PITPNM3: variants seen among roughly 807,000 people sequenced by gnomAD.
PITPNM3 encodes the protein membrane-associated phosphatidylinositol transfer protein 3.
A neutral mutation model predicts 102.0 loss-of-function variants in PITPNM3; 26 were observed. The ratio of observed to expected loss-of-function variants is 0.25; its 90% CI spans 0.19 to 0.35. The LOEUF is 0.35. Among genes scored for constraint, PITPNM3 ranks in the 10% least tolerant of loss-of-function variants. The pLI is 1.00. For missense variants in PITPNM3, 1,083 were observed against 1,346.1 expected (o/e 0.80, Z 3.06); for synonymous variants, 578 against 558.6 (o/e 1.03, Z -0.49).
intron 17 of PITPNM3, among the ~76,000 whole-genome samples, chr17:6,463,424 A>AGGCAGGGAGGGAAGGAGGGG (rs1433499928): frequency 2.9e-5 from 4 of 138,598 alleles, no homozygotes; most frequent in African/African-American, 8.4e-5. Context: ...GCAGGGAGGG[A>AGGCAGGGAGGGAAGGAGGGG]GGCAGGGAGG....
In PITPNM3 at chr17:6,455,564, C is replaced by A; in HGVS notation, c.2699G>T (p.Arg900Leu). ...GAAGCTGCCCTTGCGCAGGATCATG[C>A]GCGAGTTGTTCTTCTTTGGGCGTGA... ...HRSRPKKNNS[R>L]MILRKGSFGL... Residue 900 changes from arginine (R) to leucine (L), a missense_variant, in exon 20 of 20, where the codon CGC becomes CTC. Physicochemically the swap from Arg to Leu is moderately radical, Grantham distance 102. Transcript: ENST00000262483. The A allele has an allele frequency of 6.2e-7, 1 of 1,601,826 alleles. No individual in the cohort carries two copies. Among genetic ancestry groups the A allele is most frequent in the Non-Finnish European group, 8.5e-7 (1 of 1,179,270 alleles).
chr17:6,501,385 A>G (rs1053330822), intron 4 of PITPNM3, among the ~76,000 whole-genome samples: 2 of 152,148 alleles, frequency 1.3e-5, no homozygotes, highest in Admixed American at 1.3e-4. Context: ...ACTCCCTTTG[A>G]GGGCACCTTT....
At position 6,483,605 on chromosome 17, in the gene PITPNM3, C is replaced by T; in HGVS notation, c.499G>A (p.Ala167Thr). The change falls in exon 6 of 20, where the codon GCC (alanine) becomes ACC (threonine). Residue 167 changes from alanine (A) to threonine (T), a missense_variant. Around this residue, in one of 5 missense-constraint regions of PITPNM3, gnomAD observed 290 missense variants for 337.8 expected, o/e 0.86. Transcript: ENST00000262483. ...FSSVLEKVTR[A>T]HFPAALGHIL... Reference sequence around the variant, plus strand: ...TGGCCCAGGGCAGCAGGGAAATGGGCTCGTGTGACCTTCTCCAGCACGGAG... The same window carrying T: ...TGGCCCAGGGCAGCAGGGAAATGGGTTCGTGTGACCTTCTCCAGCACGGAG... 1.2e-6 allele frequency: 2 copies of T among 1,614,066 alleles called. No individual in the cohort carries two copies. The highest frequency in any genetic ancestry group is 1.3e-5 in the African/African-American group (1 of 75,002).
intron 3 of PITPNM3, among the ~76,000 whole-genome samples, chr17:6,508,538 C>T (rs1907678991): frequency 6.6e-6 from 1 of 152,062 alleles, no homozygotes; most frequent in Non-Finnish European, 1.5e-5. Flanking sequence ...GGTAGTGCTT[C>T]CTGGAGGAGG....
rs374357061 is a variant in PITPNM3 at position 6,457,581 on chromosome 17, C to T, written c.2619+13G>A. On this transcript the variant is annotated intron_variant, in intron 19 of 19. Coordinates refer to ENST00000262483, the MANE Select transcript of PITPNM3 (RefSeq NM_031220.4). The surrounding 1 kb of genome is among the most constrained non-coding windows in gnomAD (Gnocchi z 4.7). ...CCTCACAACTCCCCGCCTCCAGCCCCGCCTCCACCCACCTGGCACTGGGTT... is the reference window on the plus strand; with the variant it reads ...CCTCACAACTCCCCGCCTCCAGCCCTGCCTCCACCCACCTGGCACTGGGTT... 1.2e-4 allele frequency: 195 copies of T among 1,613,646 alleles called. No individual in the cohort carries two copies. Among genetic ancestry groups the T allele is most frequent in the Middle Eastern group, 3.3e-4 (2 of 6,062 alleles).
At chr17:6,547,930 G>A (rs1029964632) in intron 1 of PITPNM3, among the ~76,000 whole-genome samples, 4 of 151,942 alleles carry the variant, frequency 2.6e-5, no homozygotes, top group East Asian at 1.9e-4. Context: ...GTTTCTCCAT[G>A]TTGGTCAGGC....
Position 6,470,136 on chromosome 17 carries a change from A to G in PITPNM3, c.1773+124T>C. The G allele has an allele frequency of 8.7e-7, 1 of 1,155,584 alleles. No individual in the cohort carries two copies. Among genetic ancestry groups the G allele is most frequent in the Non-Finnish European group, 1.2e-6 (1 of 803,022 alleles). The allele number at this position is 1,155,584 out of a possible 1,614,324, so 71.6% of individuals were successfully genotyped here. Reference sequence around the variant, plus strand: ...ACGTAGGTGCTCCAATGCCTTCCTCATGCTCTTAGGATCAAGGCCAAAAGC... The same window carrying G: ...ACGTAGGTGCTCCAATGCCTTCCTCGTGCTCTTAGGATCAAGGCCAAAAGC... On this transcript the variant is annotated intron_variant, in intron 13 of 19. Coordinates refer to ENST00000262483, the MANE Select transcript of PITPNM3 (RefSeq NM_031220.4). This position sits in a 1 kb window ranked among gnomAD's most constrained non-coding sequence, Gnocchi z 4.8.
Position 6,469,161 on chromosome 17 carries a change from C to T in PITPNM3, c.1774-820G>A, listed in dbSNP as rs1436213231. On this transcript the variant is annotated intron_variant, in intron 13 of 19. Coordinates refer to ENST00000262483, the MANE Select transcript of PITPNM3 (RefSeq NM_031220.4). This position sits in a 1 kb window ranked among gnomAD's most constrained non-coding sequence, Gnocchi z 4.0. ...CCCTCTCTGTAGGAGCACCCTTAGT[C>T]TGGCACTCATCGCCAGTTGTAAATG... Among the ~76,000 whole-genome samples the T allele has an allele frequency of 6.6e-6, 1 of 152,182 alleles. No homozygotes were observed. The highest frequency in any genetic ancestry group is 2.4e-5 in the African/African-American group (1 of 41,448).
At chr17:6,538,482 C>T (rs1228166358) in intron 1 of PITPNM3, among the ~76,000 whole-genome samples, 1 of 152,322 alleles carries the variant, frequency 6.6e-6, no homozygotes, top group South Asian at 2.1e-4. Context: ...GAGCTCTGCT[C>T]ATTGCTGTCA....
chr17:6,536,815 GAGTA>G (rs1242333386), intron 2 of PITPNM3, among the ~76,000 whole-genome samples: 1 of 152,146 alleles, frequency 6.6e-6, no homozygotes, highest in East Asian at 1.9e-4. Flanking sequence ...TCCGTCTCAG[GAGTA>G]AGTCAACACC....
rs760144275 is a variant in PITPNM3 at position 6,518,901 on chromosome 17, C to A, written c.226+6455G>T. Among the ~76,000 whole-genome samples the A allele has an allele frequency of 9.1e-4, 139 of 152,184 alleles. 1 individual carries two copies. Among genetic ancestry groups the A allele is most frequent in the Non-Finnish European group, 1.6e-3 (110 of 68,036 alleles). ...CATGTTTGTTGGTAAAACATTGGAA[C>A]GTTTCCATCACAGCACTACAGTCAG... is the stretch of plus-strand genomic sequence containing the variant. On this transcript the variant is annotated intron_variant, in intron 3 of 19. Transcript: ENST00000262483.
In PITPNM3 at chr17:6,464,284, C is replaced by T; in HGVS notation, c.2042G>A (p.Gly681Asp). The T allele has an allele frequency of 6.2e-7, 1 of 1,614,082 alleles. No homozygotes were observed. Among genetic ancestry groups the T allele is most frequent in the Non-Finnish European group, 8.5e-7 (1 of 1,180,018 alleles). Residue 681 changes from glycine (G) to aspartate (D), a missense_variant, in exon 16 of 20, where the codon GGC becomes GAC. By Grantham distance (94) the Gly-to-Asp change is moderately conservative. Around this residue, in one of 5 missense-constraint regions of PITPNM3, gnomAD observed 410 missense variants for 638.4 expected, o/e 0.64. Coordinates refer to ENST00000262483, the MANE Select transcript of PITPNM3 (RefSeq NM_031220.4). ...CTCTGTGTCCAGGTGTACCCAGCGG[C>T]CTGAGGATGGCTCTGCCATTACTAG... Reference protein sequence around the residue: ...DILVMAEPSSGRWVHLDTEIT... With the variant: ...DILVMAEPSSDRWVHLDTEIT...
chr17:6,472,612 C>A lies in PITPNM3; in HGVS notation c.1429+45G>T. 1 of 1,588,700 alleles carries A rather than the reference C, an allele frequency of 6.3e-7. No homozygotes were observed. Among genetic ancestry groups the A allele is most frequent in the Non-Finnish European group, 8.6e-7 (1 of 1,168,408 alleles). On this transcript the variant is annotated intron_variant, in intron 11 of 19. Transcript: ENST00000262483. This position sits in a 1 kb window ranked among gnomAD's most constrained non-coding sequence, Gnocchi z 4.1. ...TTGGAGGGGTTGAATGGGCTGGGGCCCCACCTCCAGCTCAGCACACTCTCT... is the reference window on the plus strand; with the variant it reads ...TTGGAGGGGTTGAATGGGCTGGGGCACCACCTCCAGCTCAGCACACTCTCT...
intron 17 of PITPNM3, among the ~76,000 whole-genome samples, chr17:6,461,776 A>C (rs1251786831): frequency 6.6e-6 from 1 of 151,926 alleles, no homozygotes; most frequent in Non-Finnish European, 1.5e-5. Context: ...ATCCAAACTC[A>C]TCTCCTCACC....
chr17:6,531,818 C>T (rs867243290), intron 2 of PITPNM3, among the ~76,000 whole-genome samples: 2 of 152,140 alleles, frequency 1.3e-5, no homozygotes, highest in Admixed American at 6.6e-5. Context: ...TCAAAGATGC[C>T]GAGCTTGGGT....
Position 6,457,801 on chromosome 17 carries a change from G to C in PITPNM3, c.2491-79C>G. 6.5e-7 allele frequency: 1 copy of C among 1,534,610 alleles called. No individual in the cohort carries two copies. Among genetic ancestry groups the C allele is most frequent in the East Asian group, 2.5e-5 (1 of 40,814 alleles). The stretch of plus-strand genomic sequence containing the variant: ...AGCCTTCCCAGGCCAACCCCAGGGG[G>C]CCCCTGCTTGGGGACCCTTTATGTG... On this transcript the variant is annotated intron_variant, in intron 18 of 19. Coordinates refer to ENST00000262483, the MANE Select transcript of PITPNM3 (RefSeq NM_031220.4). The surrounding 1 kb of genome is among the most constrained non-coding windows in gnomAD (Gnocchi z 4.7).
intron 4 of PITPNM3, among the ~76,000 whole-genome samples, chr17:6,492,162 C>T (rs372961777): frequency 3.3e-5 from 5 of 151,022 alleles, no homozygotes; most frequent in East Asian, 2.0e-4. Flanking sequence ...CTCCCGGGTT[C>T]CAGCAATTCT....
chr17:6,473,139 G>C, intron 10 of PITPNM3: 1 of 421,848 alleles, frequency 2.4e-6, no homozygotes, highest in East Asian at 5.2e-5. Flanking sequence ...CCATTTCCAC[G>C]GGGCAACTCC....
chr17:6,477,957 C>T lies in PITPNM3; in HGVS notation c.900+18G>A, dbSNP rs1301372663. On this transcript the variant is annotated intron_variant, in intron 8 of 19. Coordinates refer to ENST00000262483, the MANE Select transcript of PITPNM3 (RefSeq NM_031220.4). ...CCTATGGGCATACCCCTCCCGCGGT[C>T]CTGTCCCCCGGCTGTACCTGGGTGC... is the stretch of plus-strand genomic sequence containing the variant. 6.2e-7 allele frequency: 1 copy of T among 1,611,148 alleles called. No homozygotes were observed.
Sources: allele counts gnomAD v4.1 joint callset (sites outside exome capture counted in the v4.1 genomes callset), GRCh38; gene constraint gnomAD v4.1.1; regional missense constraint gnomAD v4.1.1; non-coding constraint Gnocchi (gnomAD v3.1); transcripts MANE v1.5; gene names NCBI Gene and HGNC (gene_info 2026-07-23, HGNC 2026-07-21).